Variants in GNG7 observed in about 807,000 individuals in gnomAD.
The protein encoded by GNG7 is G protein subunit gamma 7, also known as guanine nucleotide-binding protein G(I)/G(S)/G(O) subunit gamma-7.
GNG7 carries 1 observed loss-of-function variant against 4.0 expected under a neutral mutation model. The ratio of observed to expected loss-of-function variants is 0.25; its 90% CI spans 0.09 to 1.18. The LOEUF (loss-of-function observed/expected upper bound fraction) is 1.18. Ranked by LOEUF, GNG7 falls within the 50% of genes most tolerant of loss-of-function variation. The probability of loss-of-function intolerance (pLI) is 0.50; values close to 1 mark genes in which losing one functional copy is unlikely to be tolerated. For missense variants in GNG7, 86 were observed against 91.9 expected (o/e 0.94, Z 0.26); for synonymous variants, 34 against 36.9 (o/e 0.92, Z 0.29).
intron 2 of GNG7, among the ~76,000 whole-genome samples, chr19:2,639,135 G>A (rs1213967630): frequency 1.3e-5 from 2 of 151,986 alleles, no homozygotes; most frequent in Non-Finnish European, 2.9e-5. Context: ...TTGGGAGGCT[G>A]AGGCGGGAGA....
At chr19:2,667,125 G>A (rs971207731) in intron 1 of GNG7, among the ~76,000 whole-genome samples, 2 of 152,032 alleles carry the variant, frequency 1.3e-5, no homozygotes, top group African/African-American at 4.8e-5. Context: ...TTCGAGACCA[G>A]CCTGGCTAAC....
chr19:2,601,464 TC>T (rs1981197361), intron 2 of GNG7, among the ~76,000 whole-genome samples: 1 of 152,122 alleles, frequency 6.6e-6, no homozygotes, highest in South Asian at 2.1e-4. Context: ...CGTGTCTGTC[TC>T]CCCTGCTCTA....
At chr19:2,646,936 A>G (rs898404967) in intron 1 of GNG7, among the ~76,000 whole-genome samples, 17 of 152,186 alleles carry the variant, frequency 1.1e-4, no homozygotes, top group African/African-American at 4.1e-4. Context: ...AAGGCACCCA[A>G]CGTATCCAGG....
chr19:2,511,865 G>T lies in GNG7; in HGVS notation c.*3157C>A. The stretch of plus-strand genomic sequence containing the variant: ...TTACCCCTGGGGAGGGTGGGAGAGG[G>T]GTGAGGGTTCTGGCTCCTTCCTGGA... On this transcript the variant is annotated 3_prime_UTR_variant, in exon 5 of 5. Coordinates refer to ENST00000382159, the MANE Select transcript of GNG7 (RefSeq NM_052847.3). The surrounding 1 kb of genome is among the most constrained non-coding windows in gnomAD (Gnocchi z 6.3). 1 of 986,264 alleles carries T rather than the reference G, an allele frequency of 1.0e-6. No individual in the cohort carries two copies. Among genetic ancestry groups the T allele is most frequent in the Non-Finnish European group, 1.2e-6 (1 of 830,250 alleles). The allele number at this position is 986,264 out of a possible 1,614,324, so 61.1% of individuals were successfully genotyped here.
intron 1 of GNG7, among the ~76,000 whole-genome samples, chr19:2,684,530 C>T (rs1243961894): frequency 6.6e-6 from 1 of 152,098 alleles, no homozygotes; most frequent in African/African-American, 2.4e-5. Context: ...ATACACACCC[C>T]GGAGTATGAT....
chr19:2,588,563 G>A (rs1471919797), intron 2 of GNG7, among the ~76,000 whole-genome samples: 1 of 152,200 alleles, frequency 6.6e-6, no homozygotes, highest in Non-Finnish European at 1.5e-5. Context: ...CGCGGGCCCC[G>A]TGGAACTTTC....
chr19:2,607,593 G>GA (rs59805244), intron 2 of GNG7, among the ~76,000 whole-genome samples: 107,987 of 137,436 alleles, frequency 0.79, 43,831 homozygotes, highest in Non-Finnish European at 0.89. Flanking sequence ...AGAAAGAAAA[G>GA]AAAAAAGAAA....
At chr19:2,578,129 C>T (rs760774262) in intron 2 of GNG7, among the ~76,000 whole-genome samples, 13 of 152,230 alleles carry the variant, frequency 8.5e-5, no homozygotes, top group Admixed American at 7.9e-4. Flanking sequence ...TGAGCCACCG[C>T]GCCCGGCTAC....
At chr19:2,589,769 G>C (rs1319414197) in intron 2 of GNG7, among the ~76,000 whole-genome samples, 1 of 152,178 alleles carries the variant, frequency 6.6e-6, no homozygotes, top group Admixed American at 6.6e-5. Flanking sequence ...ATCACACTCA[G>C]TGAGAGAAGC....
chr19:2,682,699 AG>A (rs1983771673), intron 1 of GNG7, among the ~76,000 whole-genome samples: 1 of 147,964 alleles, frequency 6.8e-6, no homozygotes, highest in African/African-American at 2.5e-5. Context: ...ACAGGGAGGC[AG>A]GGGTCATCCC....
chr19:2,690,806 C>A (rs916561436), intron 1 of GNG7, among the ~76,000 whole-genome samples: 8 of 152,162 alleles, frequency 5.3e-5, no homozygotes, highest in South Asian at 2.1e-4. Flanking sequence ...GTTGGCCAGG[C>A]TGGTCTCGAA....
Position 2,512,348 on chromosome 19 carries a change from C to T in GNG7, c.*2674G>A, listed in dbSNP as rs1241043490. Reference sequence around the variant, plus strand: ...TCCACAGTGTGGTCACTGAAGTCTACTCAAGAAAAAAAAAAGTGGAGAATT... The same window carrying T: ...TCCACAGTGTGGTCACTGAAGTCTATTCAAGAAAAAAAAAAGTGGAGAATT... On this transcript the variant is annotated 3_prime_UTR_variant, in exon 5 of 5. Coordinates refer to ENST00000382159, the MANE Select transcript of GNG7 (RefSeq NM_052847.3). This position sits in a 1 kb window ranked among gnomAD's most constrained non-coding sequence, Gnocchi z 4.7. The T allele has an allele frequency of 1.0e-6, 1 of 985,140 alleles. No individual in the cohort carries two copies. The highest frequency in any genetic ancestry group is 1.7e-5 in the African/African-American group (1 of 57,180). The allele number at this position is 985,140 out of a possible 1,614,324, so 61.0% of individuals were successfully genotyped here.
chr19:2,519,096 A>G lies in GNG7; in HGVS notation c.81+1512T>C, dbSNP rs938377259. Among the ~76,000 whole-genome samples, 4 of 145,822 alleles carry G rather than the reference A, an allele frequency of 2.7e-5. No homozygotes were observed. The Admixed American group carries it at 2.8e-4, about 10-fold the overall frequency. ...CAGGCGTGAGTCACCGTGCCTGGCC[A>G]GTTAAATGTTTTTTTAGATGTTGCT... On this transcript the variant is annotated intron_variant, in intron 4 of 4. Coordinates refer to ENST00000382159, the MANE Select transcript of GNG7 (RefSeq NM_052847.3).
intron 3 of GNG7, among the ~76,000 whole-genome samples, chr19:2,554,002 T>G (rs1352241280): frequency 7.1e-6 from 1 of 141,592 alleles, no homozygotes. Flanking sequence ...ATTACACATA[T>G]GTATATATTA....
At chr19:2,526,891 G>A (rs34087375) in intron 3 of GNG7, among the ~76,000 whole-genome samples, 55,472 of 150,958 alleles carry the variant, frequency 0.37, 10,239 homozygotes, top group South Asian at 0.43. Flanking sequence ...TGTCGCCCAG[G>A]CTGGAGTGCA....
chr19:2,633,495 A>ACACGCGCG lies in GNG7; in HGVS notation c.-78+12728_-78+12729insCGCGCGTG, dbSNP rs1555698935. ...GGCGCGCGCGCGCGCGCGCACACAC[A>ACACGCGCG]CACACACACACACACACACACACAC... On this transcript the variant is annotated intron_variant, in intron 2 of 4. Coordinates refer to ENST00000382159, the MANE Select transcript of GNG7 (RefSeq NM_052847.3). This position sits in a 1 kb window ranked among gnomAD's most constrained non-coding sequence, Gnocchi z 5.9. Among the ~76,000 whole-genome samples the ACACGCGCG allele has an allele frequency of 3.0e-3, 345 of 114,504 alleles. 4 individuals carry two copies. Among genetic ancestry groups the ACACGCGCG allele is most frequent in the African/African-American group, 0.012 (329 of 27,528 alleles). 75.1% of individuals were successfully genotyped at this position (114,504 alleles called of 152,430 possible).
intron 1 of GNG7, among the ~76,000 whole-genome samples, chr19:2,697,347 T>G (rs1913291464): frequency 6.6e-6 from 1 of 151,954 alleles, no homozygotes; most frequent in Non-Finnish European, 1.5e-5. Context: ...GGAGCCGATG[T>G]GGGGGAGCAA....
Position 2,557,076 on chromosome 19 carries a change from C to G in GNG7, c.-77-1888G>C, listed in dbSNP as rs1047056765. Among the ~76,000 whole-genome samples, 1 of 151,606 alleles carries G rather than the reference C, an allele frequency of 6.6e-6. No individual in the cohort carries two copies. Among genetic ancestry groups the G allele is most frequent in the African/African-American group, 2.4e-5 (1 of 41,222 alleles). ...ACACATATGCACGCACACAGACACA[C>G]GCACACACGTGCACACAGGAATACT... On this transcript the variant is annotated intron_variant, in intron 2 of 4. Coordinates refer to ENST00000382159, the MANE Select transcript of GNG7 (RefSeq NM_052847.3). The surrounding 1 kb of genome is among the most constrained non-coding windows in gnomAD (Gnocchi z 5.1).
At chr19:2,604,664 TGGAA>T (rs1309817565) in intron 2 of GNG7, among the ~76,000 whole-genome samples, 6 of 46,008 alleles carry the variant, frequency 1.3e-4, no homozygotes, top group East Asian at 6.6e-4. Context: ...AAAGAATGAA[TGGAA>T]GGAAGGAAGG....
Sources: gnomAD v4.1 joint callset for allele counts (sites outside exome capture counted in the v4.1 genomes callset) on GRCh38, gnomAD v4.1.1 for gene constraint, Gnocchi (gnomAD v3.1) non-coding constraint, MANE v1.5 for transcripts, NCBI Gene and HGNC (gene_info 2026-07-23, HGNC 2026-07-21) for gene names.